The following HMX1 variants were observed in gnomAD, a reference collection of about 807,000 sequenced individuals.
HMX1 encodes the protein homeobox protein HMX1.
HMX1 carries 8 observed loss-of-function variants against 8.9 expected under a neutral mutation model. The observed-to-expected ratio is 0.90, with a 90% CI of 0.53 to 1.63. The LOEUF is 1.63. HMX1 is among the 40% of genes most tolerant of loss of function. HMX1 has a pLI of 0.00. For synonymous variants in HMX1, 311 were observed against 283.4 expected, an observed-to-expected ratio of 1.10 and a Z score of -0.98; for missense variants, 621 against 558.5, an observed-to-expected ratio of 1.11 and a Z score of -1.13.
At chr4:8,857,253 C>T (rs569867414) in intron 1 of HMX1, among the ~76,000 whole-genome samples, 5 of 152,214 alleles carry the variant, frequency 3.3e-5, no homozygotes, top group Non-Finnish European at 7.3e-5. Flanking sequence ...GGACGCCGTC[C>T]CCACTTCCTC....
chr4:8,860,808 A>G (rs1721777431), intron 1 of HMX1: 1 of 152,366 alleles, frequency 6.6e-6, no homozygotes, highest in East Asian at 1.9e-4. Context: ...GGCGGTGCGG[A>G]GACCGGACGG....
chr4:8,870,090 G>A lies in HMX1; in HGVS notation c.394+1131C>T, dbSNP rs974113340. Among the ~76,000 whole-genome samples the A allele has an allele frequency of 6.6e-6, 1 of 152,088 alleles. No individual in the cohort carries two copies. The highest frequency in any genetic ancestry group is 1.5e-5 in the Non-Finnish European group (1 of 68,014). ...CGACATGGAAAGGGTTATCTAACAA[G>A]TGAGTGAGGGTCGTAGGCCACTTAC... On this transcript the variant is annotated intron_variant, in intron 1 of 1. Coordinates refer to ENST00000400677, the MANE Select transcript of HMX1 (RefSeq NM_018942.3). This position sits in a 1 kb window ranked among gnomAD's most constrained non-coding sequence, Gnocchi z 4.4.
downstream of HMX1, among the ~76,000 whole-genome samples, chr4:8,863,152 G>T (rs565187783): frequency 6.6e-6 from 1 of 152,180 alleles, no homozygotes; most frequent in East Asian, 1.9e-4. Context: ...GTGCACAGGC[G>T]GGGAGGAACA....
chr4:8,851,643 G>C (rs1251625919), intron 1 of HMX1, among the ~76,000 whole-genome samples: 1 of 152,222 alleles, frequency 6.6e-6, no homozygotes, highest in Non-Finnish European at 1.5e-5. Context: ...AAGGGAAAGA[G>C]GAGGCCTGGG....
intron 1 of HMX1, among the ~76,000 whole-genome samples, chr4:8,854,424 G>A (rs1721547386): frequency 6.6e-6 from 1 of 152,262 alleles, no homozygotes; most frequent in African/African-American, 2.4e-5. Context: ...ACTCCTGTGT[G>A]TTTATGTCAA....
At chr4:8,866,960 G>A (rs1722017880), downstream of HMX1, 11 of 584,840 alleles carry the variant, frequency 1.9e-5, no homozygotes, top group Non-Finnish European at 2.4e-5. Flanking sequence ...GGTGTCCCCA[G>A]TCAGCACTGA....
rs1722047394 is a variant in HMX1, at chr4:8,867,620, C to G, written c.*73G>C. 1 of 1,201,456 alleles carries G rather than the reference C, an allele frequency of 8.3e-7. No homozygotes were observed. The highest frequency in any genetic ancestry group is 1.0e-6 in the Non-Finnish European group (1 of 967,940). The allele number at this position is 1,201,456 out of a possible 1,614,324, so 74.4% of individuals were successfully genotyped here. A position where few individuals can be genotyped will look rare whatever the true frequency, so the allele number is the denominator to read the frequency against. ...ATCCCTTCCCTAACGCCCCCTGAGC[C>G]CTGCGCCTGCCGCTGAATCGCGCGT... On this transcript the variant is annotated 3_prime_UTR_variant, in exon 2 of 2. Coordinates refer to ENST00000400677, the MANE Select transcript of HMX1 (RefSeq NM_018942.3).
Position 8,868,222 on chromosome 4 carries a change from G to A in HMX1, c.518C>T (p.Ala173Val), listed in dbSNP as rs1217743727. 4.2e-6 allele frequency: 6 copies of A among 1,439,742 alleles called. No homozygotes were observed. Among genetic ancestry groups the A allele is most frequent in the Non-Finnish European group, 5.4e-6 (6 of 1,101,628 alleles). The allele number at this position is 1,439,742 out of a possible 1,614,324, so 89.2% of individuals were successfully genotyped here. ...EAAELAARGPAAGTEEASELA... is the reference protein window; with the variant it reads ...EAAELAARGPVAGTEEASELA... ...CTCCGACGCCTCCTCCGTGCCGGCC[G>A]CCGGGCCACGCGCCGCCAGCTCCGC... The change falls in exon 2 of 2, where the codon GCG (alanine) becomes GTG (valine). Residue 173 changes from alanine to valine, a missense_variant. Transcript: ENST00000400677. This position sits in a 1 kb window ranked among gnomAD's most constrained non-coding sequence, Gnocchi z 4.6.
chr4:8,860,671 C>G (rs1485921737), intron 1 of HMX1: 1 of 152,308 alleles, frequency 6.6e-6, no homozygotes, highest in East Asian at 1.9e-4. Context: ...AGCTTCGCTC[C>G]GCTCTAGCCT....
rs373985960 is a variant in HMX1 at position 8,870,328 on chromosome 4, C to G, written c.394+893G>C. On this transcript the variant is annotated intron_variant, in intron 1 of 1. Coordinates refer to ENST00000400677, the MANE Select transcript of HMX1 (RefSeq NM_018942.3). This position sits in a 1 kb window ranked among gnomAD's most constrained non-coding sequence, Gnocchi z 4.4. Reference sequence around the variant, plus strand: ...GCAGGTACAAAAGGGAGGCAGCGACCCTGGAACCCTGGGGAGGGGAAGCAG... The same window carrying G: ...GCAGGTACAAAAGGGAGGCAGCGACGCTGGAACCCTGGGGAGGGGAAGCAG... Among the ~76,000 whole-genome samples the G allele has an allele frequency of 8.9e-4, 136 of 152,038 alleles. No individual in the cohort carries two copies. Among genetic ancestry groups the G allele is most frequent in the Middle Eastern group, 3.4e-3 (1 of 294 alleles).
intron 1 of HMX1, among the ~76,000 whole-genome samples, chr4:8,850,868 A>G (rs762981321): frequency 1.3e-5 from 2 of 152,180 alleles, no homozygotes; most frequent in Non-Finnish European, 2.9e-5. Flanking sequence ...TGTTGTCTGG[A>G]ATCCTGGTCT....
In HMX1 at chr4:8,854,702, GTCTA is replaced by G. The variant is rs1160275409; in HGVS notation, c.395-8382_395-8379del. Among the ~76,000 whole-genome samples the G allele has an allele frequency of 2.4e-4, 36 of 152,146 alleles. 1 individual carries two copies. Among genetic ancestry groups the G allele is most frequent in the Admixed American group, 1.8e-3 (28 of 15,302 alleles). ...TTGCATATGTGCTCCCTGTCTCTCT[GTCTA>G]TCTAACTATTCTATTGATTCTCTTT... On this transcript the variant is annotated intron_variant, in intron 1 of 1. Coordinates refer to the HMX1 transcript ENST00000506970.
chr4:8,867,922 G>A lies in HMX1; in HGVS notation c.818C>T (p.Pro273Leu), dbSNP rs1722067057. 2.1e-6 allele frequency: 3 copies of A among 1,440,638 alleles called. No homozygotes were observed. The highest frequency in any genetic ancestry group is 1.5e-5 in the African/African-American group (1 of 67,614). 89.2% of individuals were successfully genotyped at this position (1,440,638 alleles called of 1,614,324 possible). ...GCGGACCAGGCGCTGCGCTCCCGGC[G>A]GGGACAGGCTGGCCGCCTCCAGCTC... ...AAELEAASLS[P>L]PGAQRLVRVP... is the part of the protein sequence containing the mutation. Residue 273 changes from proline to leucine, a missense_variant, in exon 2 of 2, where the codon CCG becomes CTG. Pro to Leu is a moderately conservative substitution (Grantham distance 98). Coordinates refer to ENST00000400677, the MANE Select transcript of HMX1 (RefSeq NM_018942.3).
In HMX1 at chr4:8,867,670, G is replaced by A. The variant is rs1267001926; in HGVS notation, c.*23C>T. ...TCCACACAGGTCCACAGGGTCGTGG[G>A]GAGAGGGCCCGGCAGGCGGGGCTCA... On this transcript the variant is annotated 3_prime_UTR_variant, in exon 2 of 2. Transcript: ENST00000400677. 2.4e-6 allele frequency: 3 copies of A among 1,239,198 alleles called. No individual in the cohort carries two copies. The highest frequency in any genetic ancestry group is 8.5e-5 in the Admixed American group (2 of 23,606). 76.8% of individuals were successfully genotyped at this position (1,239,198 alleles called of 1,614,324 possible). A position where few individuals can be genotyped will look rare whatever the true frequency, so the allele number is the denominator to read the frequency against.
At position 8,867,210 on chromosome 4, in the gene HMX1, A is replaced by G. The variant is rs139565192; in HGVS notation, c.*483T>C. The G allele has an allele frequency of 0.016, 15,613 of 985,678 alleles. 1,692 individuals are homozygous for G. In the African/African-American group the frequency reaches 0.23, roughly 15 times the overall value. The allele number at this position is 985,678 out of a possible 1,614,324, so 61.1% of individuals were successfully genotyped here. ...GGTCCTTTCTCCACCAGCACCCGCG[A>G]GAGGGGTAGCACAGCCCTCCGGGCC... On this transcript the variant is annotated 3_prime_UTR_variant, in exon 2 of 2. Transcript: ENST00000400677.
intron 1 of HMX1, among the ~76,000 whole-genome samples, chr4:8,859,652 T>C (rs971041381): frequency 2.0e-5 from 3 of 152,196 alleles, no homozygotes; most frequent in Admixed American, 6.5e-5. Context: ...CGCCCTGTCA[T>C]TGCCGCCACT....
Position 8,868,277 on chromosome 4 carries a change from G to GGCCTCGCGGCCAGGC in HMX1, c.448_462dup (p.Ala150_Gly154dup). ...TCCCGCTGCACCGCTCCCGGCCCGG[G>GGCCTCGCGGCCAGGC]GCCTCGCGGCCAGGCGCCCTCCGCA... is the stretch of plus-strand genomic sequence containing the variant. On this transcript the variant is annotated inframe_insertion, in exon 2 of 2. Coordinates refer to ENST00000400677, the MANE Select transcript of HMX1 (RefSeq NM_018942.3). This position sits in a 1 kb window ranked among gnomAD's most constrained non-coding sequence, Gnocchi z 4.6. 3 of 1,439,640 alleles carry GGCCTCGCGGCCAGGC rather than the reference G, an allele frequency of 2.1e-6. No individual in the cohort carries two copies. Among genetic ancestry groups the GGCCTCGCGGCCAGGC allele is most frequent in the Non-Finnish European group, 2.7e-6 (3 of 1,102,438 alleles). The allele number at this position is 1,439,640 out of a possible 1,614,324, so 89.2% of individuals were successfully genotyped here. A position where few individuals can be genotyped will look rare whatever the true frequency, so the allele number is the denominator to read the frequency against.
Position 8,871,467 on chromosome 4 carries a change from C to T in HMX1, c.148G>A (p.Asp50Asn), listed in dbSNP as rs1242772301. The change falls in exon 1 of 2, where the codon GAC (aspartate) becomes AAC (asparagine). Residue 50 changes from aspartate to asparagine, a missense_variant. Asp to Asn is a conservative substitution (Grantham distance 23). Transcript: ENST00000400677. This position sits in a 1 kb window ranked among gnomAD's most constrained non-coding sequence, Gnocchi z 4.8. Reference protein sequence around the residue: ...GSREDEEEDDDDPEDEDAEQA... With the variant: ...GSREDEEEDDNDPEDEDAEQA... ...TCGGCGTCCTCGTCTTCGGGGTCGT[C>T]GTCGTCCTCCTCCTCGTCCTCCCGG... 1.3e-5 allele frequency: 17 copies of T among 1,344,472 alleles called. No individual in the cohort carries two copies. The South Asian group carries it at 2.0e-4, about 16-fold the overall frequency. The allele number at this position is 1,344,472 out of a possible 1,614,324, so 83.3% of individuals were successfully genotyped here.
Position 8,867,566 on chromosome 4 carries a change from G to C in HMX1, c.*127C>G. ...CCGCCCGGCCGCGGCCTGCGCTCCC[G>C]AGGTATCTAGGAGGCCGCAGGAGCG... is the stretch of plus-strand genomic sequence containing the variant. On this transcript the variant is annotated 3_prime_UTR_variant, in exon 2 of 2. Transcript: ENST00000400677. 1.7e-6 allele frequency: 2 copies of C among 1,186,642 alleles called. No homozygotes were observed. Among genetic ancestry groups the C allele is most frequent in the Non-Finnish European group, 2.1e-6 (2 of 959,000 alleles). 73.5% of individuals were successfully genotyped at this position (1,186,642 alleles called of 1,614,324 possible). A position where few individuals can be genotyped will look rare whatever the true frequency, so the allele number is the denominator to read the frequency against.
Sources: gnomAD v4.1 joint callset for allele counts (sites outside exome capture counted in the v4.1 genomes callset) on GRCh38, gnomAD v4.1.1 for gene constraint, Gnocchi (gnomAD v3.1) non-coding constraint, MANE v1.5 for transcripts, NCBI Gene and HGNC (gene_info 2026-07-23, HGNC 2026-07-21) for gene names.